GRK2: variants seen among roughly 807,000 people sequenced by gnomAD.
The protein encoded by GRK2 is adrenergic beta receptor kinase 1.
In GRK2, 23 loss-of-function variants were observed where a neutral mutation model predicts 97.8. The ratio of observed to expected loss-of-function variants is 0.24; its 90% confidence interval spans 0.17 to 0.33. The LOEUF is 0.33. GRK2 is among the 10% of genes least tolerant of loss of function. The probability of loss-of-function intolerance (pLI) is 1.00; values close to 1 mark genes in which losing one functional copy is unlikely to be tolerated. For synonymous variants in GRK2, 425 were observed against 381.7 expected (o/e 1.11, Z -1.32); for missense variants, 633 against 956.9 (o/e 0.66, Z 4.47).
chr11:67,280,414 G>T, intron 6 of GRK2: 2 of 476,940 alleles, frequency 4.2e-6, no homozygotes, highest in Non-Finnish European at 7.6e-6. Context: ...GCAGGGACAG[G>T]AGACGTACTT....
At chr11:67,273,807 G>C (rs140965714) in intron 1 of GRK2, among the ~76,000 whole-genome samples, 1 of 152,166 alleles carries the variant, frequency 6.6e-6, no homozygotes, top group East Asian at 1.9e-4. Flanking sequence ...AGAGCCCCGG[G>C]TCCTGCTTCC....
intron 1 of GRK2, among the ~76,000 whole-genome samples, chr11:67,267,974 C>T (rs1477883964): frequency 2.0e-5 from 3 of 152,208 alleles, no homozygotes; most frequent in East Asian, 1.9e-4. Context: ...CAGACGTGCC[C>T]GCCACGATTC....
rs1279335956 is a variant in GRK2, at chr11:67,282,509, C to G, written c.1127C>G (p.Ser376Cys). Residue 376 changes from serine (S) to cysteine (C), a missense_variant, in exon 13 of 21, where the codon TCT (serine) becomes TGT (cysteine). Physicochemically the swap from Ser to Cys is moderately radical, Grantham distance 112 (BLOSUM62 -1). Transcript: ENST00000308595. This position sits in a 1 kb window ranked among gnomAD's most constrained non-coding sequence, Gnocchi z 6.9. The stretch of plus-strand genomic sequence containing the variant: ...TACGACAGCAGTGCCGACTGGTTCT[C>G]TCTGGGGTGCATGCTCTTCAAGTTG... Reference protein sequence around the residue: ...VAYDSSADWFSLGCMLFKLLR... With the variant: ...VAYDSSADWFCLGCMLFKLLR... 1 of 1,613,760 alleles carries G rather than the reference C, an allele frequency of 6.2e-7. No homozygotes were observed. The highest frequency in any genetic ancestry group is 1.1e-5 in the South Asian group (1 of 91,084).
intron 1 of GRK2, among the ~76,000 whole-genome samples, chr11:67,275,248 C>G (rs1565064101): frequency 6.6e-6 from 1 of 152,172 alleles, no homozygotes; most frequent in Non-Finnish European, 1.5e-5. Context: ...CCTGGAAGGA[C>G]AGTGCCCAGT....
chr11:67,272,616 G>A (rs896144602), intron 1 of GRK2, among the ~76,000 whole-genome samples: 1 of 152,238 alleles, frequency 6.6e-6, no homozygotes, highest in Non-Finnish European at 1.5e-5. Flanking sequence ...GTCTTGGGCT[G>A]AGCCTGCTCC....
Position 67,281,217 on chromosome 11 carries a change from C to T in GRK2, c.647+33C>T, listed in dbSNP as rs928076804. ...CCCTGCTCGGCGCGGTGGGATACCTCGGGGAGCCGGGCTCCTGGGGGACCC... is the reference window on the plus strand; with the variant it reads ...CCCTGCTCGGCGCGGTGGGATACCTTGGGGAGCCGGGCTCCTGGGGGACCC... On this transcript the variant is annotated intron_variant, in intron 8 of 20. Transcript: ENST00000308595. This position sits in a 1 kb window ranked among gnomAD's most constrained non-coding sequence, Gnocchi z 5.7. 7.6e-6 allele frequency: 12 copies of T among 1,576,880 alleles called. No homozygotes were observed. Among genetic ancestry groups the T allele is most frequent in the South Asian group, 5.6e-5 (5 of 89,004 alleles).
intron 2 of GRK2, 117 bp downstream of exon 2, chr11:67,277,465 G>A: frequency 2.2e-6 from 2 of 912,366 alleles, no homozygotes; most frequent in Non-Finnish European, 3.4e-6. Context: ...TCAGGGTGGA[G>A]CAGCCAGCGA....
chr11:67,283,641 T>C, intron 15 of GRK2, 66 bp from the exon 16 acceptor site: 1 of 1,537,832 alleles, frequency 6.5e-7, no homozygotes, highest in South Asian at 1.1e-5. Flanking sequence ...AGAAAGTGGC[T>C]CAATCAGGAG....
At position 67,285,393 on chromosome 11, in the gene GRK2, C is replaced by T. The variant is rs781718935; in HGVS notation, c.2013C>T (p.Pro671=). The change falls in exon 21 of 21, where the codon CCC becomes CCT. Residue 671 remains proline, a synonymous_variant. Coordinates refer to ENST00000308595, the MANE Select transcript of GRK2 (RefSeq NM_001619.5). ...AGATGAAGAACAAGCCGCGCTCGCC[C>T]GTGGTGGAGCTGAGCAAGGTGCCGC... ...VPKMKNKPRS[P]VVELSKVPLV... is the part of the protein sequence containing the mutation. 6.2e-6 allele frequency: 10 copies of T among 1,608,406 alleles called. No homozygotes were observed. Among genetic ancestry groups the T allele is most frequent in the South Asian group, 1.1e-5 (1 of 90,888 alleles).
At chr11:67,283,995 C>T in intron 17 of GRK2, 46 bp downstream of exon 17, 2 of 1,525,452 alleles carry the variant, frequency 1.3e-6, no homozygotes, top group East Asian at 2.4e-5. Flanking sequence ...GTGATCCTGG[C>T]CTGGGGAAGG....
chr11:67,268,808 C>G (rs1859849344), intron 1 of GRK2, among the ~76,000 whole-genome samples: 1 of 152,218 alleles, frequency 6.6e-6, no homozygotes, highest in Non-Finnish European at 1.5e-5. Context: ...CTCAGTTCTT[C>G]CAGCAACCAA....
Position 67,269,482 on chromosome 11 carries a change from C to T in GRK2, c.113+2670C>T, listed in dbSNP as rs1048688248. On this transcript the variant is annotated intron_variant, in intron 1 of 20. Coordinates refer to ENST00000308595, the MANE Select transcript of GRK2 (RefSeq NM_001619.5). This position sits in a 1 kb window ranked among gnomAD's most constrained non-coding sequence, Gnocchi z 4.1. ...ACCCACCCCTGCACACCACTGTTCT[C>T]GCCTCTGTCCACATTTTGCGGTGTG... Among the ~76,000 whole-genome samples the T allele has an allele frequency of 3.9e-5, 6 of 152,170 alleles. No homozygotes were observed. The highest frequency in any genetic ancestry group is 2.4e-5 in the African/African-American group (1 of 41,420).
At position 67,281,639 on chromosome 11, in the gene GRK2, TCC is replaced by T. The variant is rs749944374; in HGVS notation, c.748-8_748-7del. On this transcript the variant is annotated splice_polypyrimidine_tract_variant and intron_variant, in intron 9 of 20. Transcript: ENST00000308595. The surrounding 1 kb of genome is among the most constrained non-coding windows in gnomAD (Gnocchi z 5.7). The stretch of plus-strand genomic sequence containing the variant: ...TAACTGCCCGCCCCCTCCCCTCCTC[TCC>T]CCTCCTAGGACTGCCCATTCATTGT... 1 of 827,922 alleles carries T rather than the reference TCC, an allele frequency of 1.2e-6. No homozygotes were observed. The highest frequency in any genetic ancestry group is 1.9e-5 in the African/African-American group (1 of 52,228). The allele number at this position is 827,922 out of a possible 1,614,324, so 51.3% of individuals were successfully genotyped here.
At chr11:67,280,862 G>A (rs1860133488) in intron 7 of GRK2, 79 bp downstream of exon 7, 1 of 1,515,824 alleles carries the variant, frequency 6.6e-7, no homozygotes, top group Admixed American at 1.7e-5. Flanking sequence ...TGGCTTGGCT[G>A]GGAGGGGGAG....
Position 67,283,294 on chromosome 11 carries a change from G to A in GRK2, c.1328+66G>A, listed in dbSNP as rs1043109204. On this transcript the variant is annotated intron_variant, in intron 15 of 20. Transcript: ENST00000308595. ...CCCATGAGGACAAGGGCTGTGTCCC[G>A]TCACCTGGAACCCCCTCCAAGGTCC... 48 of 1,421,238 alleles carry A rather than the reference G, an allele frequency of 3.4e-5. No individual in the cohort carries two copies. In the Admixed American group the frequency reaches 4.2e-4, roughly 12 times the overall value. The allele number at this position is 1,421,238 out of a possible 1,614,324, so 88.0% of individuals were successfully genotyped here.
intron 2 of GRK2, among the ~76,000 whole-genome samples, chr11:67,277,665 G>T (rs538288422): frequency 6.6e-6 from 1 of 152,246 alleles, no homozygotes; most frequent in Non-Finnish European, 1.5e-5. Flanking sequence ...GCTCTGGGCC[G>T]TTGGTAGAAC....
chr11:67,273,297 T>C (rs1859950054), intron 1 of GRK2, among the ~76,000 whole-genome samples: 1 of 152,232 alleles, frequency 6.6e-6, no homozygotes, highest in Non-Finnish European at 1.5e-5. Flanking sequence ...TCTGGGACTG[T>C]TGAGGCCGCT....
intron 2 of GRK2, 145 bp downstream of exon 2, chr11:67,277,493 C>A: frequency 1.4e-6 from 1 of 712,492 alleles, no homozygotes; most frequent in Non-Finnish European, 2.4e-6. Flanking sequence ...GGGCTTGCTC[C>A]AAGTCGCTGC....
Position 67,277,379 on chromosome 11 carries a change from G to A in GRK2, c.190+31G>A, listed in dbSNP as rs3730140. 0.018 allele frequency: 28,987 copies of A among 1,600,516 alleles called. 3,408 individuals carry two copies. In the Admixed American group the frequency reaches 0.29, roughly 16 times the overall value. On this transcript the variant is annotated intron_variant, in intron 2 of 20. Transcript: ENST00000308595. Reference sequence around the variant, plus strand: ...TATGGCAGTGGCTCTGCCAGCCACCGGACTTAACTTCTTGCCCCTACCCCA... The same window carrying A: ...TATGGCAGTGGCTCTGCCAGCCACCAGACTTAACTTCTTGCCCCTACCCCA...
Sources: allele counts gnomAD v4.1 joint callset (sites outside exome capture counted in the v4.1 genomes callset), GRCh38; gene constraint gnomAD v4.1.1; non-coding constraint Gnocchi (gnomAD v3.1); transcripts MANE v1.5; gene names NCBI Gene and HGNC (gene_info 2026-07-23, HGNC 2026-07-21).